Variants in SNX29 observed in about 807,000 individuals in gnomAD.
The protein encoded by SNX29 is sorting nexin 29.
SNX29 carries 78 observed loss-of-function variants against 102.1 expected under a neutral mutation model. That is an observed-to-expected ratio of 0.76 (90% CI 0.64 to 0.92). The LOEUF (loss-of-function observed/expected upper bound fraction) is 0.92, where lower values mean the gene tolerates loss of function less well. SNX29 is among the 40% of genes least tolerant of loss of function. The pLI is 0.00. For synonymous variants in SNX29, 580 were observed against 414.5 expected, an observed-to-expected ratio of 1.40 and a Z score of -4.85; for missense variants, 1,280 against 1,061.7, an observed-to-expected ratio of 1.21 and a Z score of -2.86.
intron 14 of SNX29, 62 bp from the exon 15 acceptor site, chr16:12,277,871 T>G: frequency 2.1e-6 from 3 of 1,453,156 alleles, no homozygotes; most frequent in Non-Finnish European, 2.8e-6. Context: ...TTTCTTTTTT[T>G]ACTGGGAGAA....
chr16:12,544,765 G>A (rs140348963), intron 20 of SNX29, among the ~76,000 whole-genome samples: 124 of 152,284 alleles, frequency 8.1e-4, no homozygotes, highest in East Asian at 5.8e-4. Flanking sequence ...GCTCTGGGTC[G>A]CACAGCTGGT....
intron 3 of SNX29, among the ~76,000 whole-genome samples, chr16:12,008,347 G>A (rs1008785951): frequency 6.6e-6 from 1 of 152,162 alleles, no homozygotes; most frequent in Middle Eastern, 3.4e-3. Flanking sequence ...TTGGCTCACC[G>A]CAACCTCTGC....
At chr16:12,008,027 T>C (rs2056515843) in intron 3 of SNX29, among the ~76,000 whole-genome samples, 3 of 152,180 alleles carry the variant, frequency 2.0e-5, no homozygotes, top group Non-Finnish European at 4.4e-5. Flanking sequence ...CCCTGCAAGC[T>C]CTGCCTCCCA....
intron 1 of SNX29, among the ~76,000 whole-genome samples, chr16:11,999,009 G>C (rs1277092299): frequency 1.3e-5 from 2 of 152,222 alleles, no homozygotes; most frequent in Non-Finnish European, 2.9e-5. Flanking sequence ...ATGCCACGTA[G>C]TGTGTAGAGG....
intron 3 of SNX29, among the ~76,000 whole-genome samples, chr16:12,026,746 C>T (rs959283531): frequency 6.6e-6 from 1 of 152,120 alleles, no homozygotes; most frequent in African/African-American, 2.4e-5. Flanking sequence ...ATTTTTAGAG[C>T]ATGTAATCTC....
In SNX29 at chr16:12,569,840, C is replaced by G. The variant is rs539503954; in HGVS notation, c.*1211C>G. ...AGTTTGCATTTCTAGGGTAAACTAA[C>G]TAGGAAGGATGTCGTGAAATGGACT... On this transcript the variant is annotated 3_prime_UTR_variant, in exon 21 of 21. Coordinates refer to ENST00000566228, the MANE Select transcript of SNX29 (RefSeq NM_032167.5). 12 of 230,764 alleles carry G rather than the reference C, an allele frequency of 5.2e-5. No homozygotes were observed. The South Asian group carries it at 1.8e-3, about 35-fold the overall frequency. 14.3% of individuals were successfully genotyped at this position (230,764 alleles called of 1,614,324 possible).
At position 12,572,543 on chromosome 16, in the gene SNX29, C is replaced by T. The variant is rs539018433; in HGVS notation, c.*3914C>T. ...CTCAAGCCCCCACAGGGGGCTGCGA[C>T]ACCATCTGGCTCCTCACAGGGAGGT... is the stretch of plus-strand genomic sequence containing the variant. On this transcript the variant is annotated 3_prime_UTR_variant, in exon 21 of 21. Transcript: ENST00000566228. The T allele has an allele frequency of 2.8e-6, 3 of 1,063,536 alleles. No individual in the cohort carries two copies. The highest frequency in any genetic ancestry group is 1.6e-5 in the African/African-American group (1 of 61,046). The allele number at this position is 1,063,536 out of a possible 1,614,324, so 65.9% of individuals were successfully genotyped here. A position where few individuals can be genotyped will look rare whatever the true frequency, so the allele number is the denominator to read the frequency against.
At chr16:12,261,690 T>G (rs1169900502) in intron 14 of SNX29, among the ~76,000 whole-genome samples, 3 of 129,414 alleles carry the variant, frequency 2.3e-5, no homozygotes, top group Non-Finnish European at 3.2e-5. Flanking sequence ...GGAGTGAGTG[T>G]TTGCTGAGCT....
chr16:12,076,351 A>G (rs1317167983), intron 10 of SNX29, among the ~76,000 whole-genome samples: 44 of 144,244 alleles, frequency 3.1e-4, no homozygotes, highest in African/African-American at 1.1e-3. Flanking sequence ...CCCAGGCTGG[A>G]GTGCAGTGGC....
intron 20 of SNX29, among the ~76,000 whole-genome samples, chr16:12,539,084 G>T (rs1026196870): frequency 6.6e-6 from 1 of 152,204 alleles, no homozygotes; most frequent in East Asian, 1.9e-4. Context: ...AAGTTTAATA[G>T]ATTGCCCAGA....
intron 18 of SNX29, among the ~76,000 whole-genome samples, chr16:12,452,247 C>T (rs552665092): frequency 7.7e-4 from 118 of 152,284 alleles, no homozygotes; most frequent in African/African-American, 2.6e-3. Flanking sequence ...CCTACGGGGA[C>T]ATTTGGCAAT....
rs2079189073 is a variant in SNX29 at position 12,571,595 on chromosome 16, C to A, written c.*2966C>A. On this transcript the variant is annotated 3_prime_UTR_variant, in exon 21 of 21. Transcript: ENST00000566228. ...GTCTTCATGGCCTGCTGTGCTGAAA[C>A]AGAACAGCAGGTTCCATCTTTCACA... The A allele has an allele frequency of 1.9e-6, 2 of 1,059,730 alleles. No individual in the cohort carries two copies. The highest frequency in any genetic ancestry group is 1.1e-4 in the Admixed American group (2 of 18,584). The allele number at this position is 1,059,730 out of a possible 1,614,324, so 65.6% of individuals were successfully genotyped here. A position where few individuals can be genotyped will look rare whatever the true frequency, so the allele number is the denominator to read the frequency against.
chr16:12,290,018 G>C (rs752740684), intron 15 of SNX29, among the ~76,000 whole-genome samples: 21 of 152,162 alleles, frequency 1.4e-4, no homozygotes, highest in Non-Finnish European at 2.9e-4. Context: ...CGGGAGTGGA[G>C]AACGCTGAGA....
rs531972885 is a variant in SNX29, at chr16:12,303,560, G to A, written c.1782+25524G>A. Among the ~76,000 whole-genome samples, 38 of 152,286 alleles carry A rather than the reference G, an allele frequency of 2.5e-4. No homozygotes were observed. The South Asian group carries it at 7.9e-3, about 32-fold the overall frequency. On this transcript the variant is annotated intron_variant, in intron 15 of 20. Transcript: ENST00000566228. ...AGGTAGGTTAAGAATTCACACTTGT[G>A]GGAAGCTATACGGAAAGGCAAGGGC...
intron 15 of SNX29, among the ~76,000 whole-genome samples, chr16:12,309,377 G>A (rs1048232602): frequency 6.6e-6 from 1 of 152,182 alleles, no homozygotes; most frequent in African/African-American, 2.4e-5. Context: ...GGCAGTGCAT[G>A]GTCTCTGCTC....
chr16:12,340,849 G>A (rs1235068303), intron 15 of SNX29, among the ~76,000 whole-genome samples: 1 of 152,100 alleles, frequency 6.6e-6, no homozygotes, highest in African/African-American at 2.4e-5. Context: ...TCAGTGTCCC[G>A]CTTTATAGCC....
chr16:12,527,307 C>T (rs754771616), intron 20 of SNX29: 13 of 530,826 alleles, frequency 2.4e-5, no homozygotes, highest in South Asian at 1.4e-4. Context: ...CAGAAAGCAG[C>T]GAGACTGCTG....
rs1372140876 is a variant in SNX29, at chr16:12,476,429, T to C, written c.2038-1290T>C. ...ATATATATACATATATATATATATA[T>C]ATATATATATATATGATGAGAATTG... On this transcript the variant is annotated intron_variant, in intron 18 of 20. Coordinates refer to ENST00000566228, the MANE Select transcript of SNX29 (RefSeq NM_032167.5). Among the ~76,000 whole-genome samples, 5 of 88,582 alleles carry C rather than the reference T, an allele frequency of 5.6e-5. 1 individual carries two copies. The highest frequency in any genetic ancestry group is 8.4e-5 in the Non-Finnish European group (4 of 47,436). 58.1% of individuals were successfully genotyped at this position (88,582 alleles called of 152,430 possible).
intron 19 of SNX29, among the ~76,000 whole-genome samples, chr16:12,495,970 C>T (rs1047475150): frequency 9.9e-5 from 15 of 152,126 alleles, no homozygotes; most frequent in African/African-American, 3.4e-4. Flanking sequence ...ATCTCATGAA[C>T]TCAGGAGGTG....
Sources: gnomAD v4.1 joint callset for allele counts (sites outside exome capture counted in the v4.1 genomes callset) on GRCh38, gnomAD v4.1.1 for gene constraint, MANE v1.5 for transcripts, NCBI Gene and HGNC (gene_info 2026-07-23, HGNC 2026-07-21) for gene names.